The following ITGB3BP variants were observed in gnomAD, a reference collection of about 807,000 sequenced individuals.
ITGB3BP encodes the protein integrin subunit beta 3 binding protein.
ITGB3BP carries 27 observed loss-of-function variants against 29.1 expected under a neutral mutation model. The ratio of observed to expected loss-of-function variants is 0.93; its 90% CI spans 0.68 to 1.28. The LOEUF is 1.28. Among genes scored for constraint, ITGB3BP ranks in the 50% most tolerant of loss-of-function variants. ITGB3BP has a pLI of 0.00. For synonymous variants in ITGB3BP, 61 were observed against 61.4 expected (o/e 0.99, Z 0.03); for missense variants, 192 against 200.2 (o/e 0.96, Z 0.25).
intron 1 of ITGB3BP, among the ~76,000 whole-genome samples, chr1:63,519,580 C>T (rs868708449): frequency 2.6e-5 from 4 of 151,996 alleles, no homozygotes; most frequent in Non-Finnish European, 4.4e-5. Context: ...AAAAATTTCA[C>T]CAATCTTCTT....
At chr1:63,495,768 G>A (rs1168501990) in intron 2 of ITGB3BP, among the ~76,000 whole-genome samples, 2 of 152,072 alleles carry the variant, frequency 1.3e-5, no homozygotes, top group African/African-American at 4.8e-5. Flanking sequence ...GAACCAGGAT[G>A]CTTTATCTTA....
intron 4 of ITGB3BP, 105 bp downstream of exon 4, chr1:63,478,659 A>AATAT: frequency 1.7e-6 from 1 of 595,720 alleles, no homozygotes; most frequent in Middle Eastern, 3.6e-4. Flanking sequence ...GGTCAGGTAT[A>AATAT]AACTATTAAT....
At chr1:63,456,562 C>A (rs1377114082) in intron 4 of ITGB3BP, among the ~76,000 whole-genome samples, 1 of 152,112 alleles carries the variant, frequency 6.6e-6, no homozygotes, top group African/African-American at 2.4e-5. Flanking sequence ...ACTGAGTGCC[C>A]TAGGAGTACA....
rs189782239 is a variant in ITGB3BP, at chr1:63,478,173, A to T, written c.254+591T>A. Among the ~76,000 whole-genome samples the T allele has an allele frequency of 5.9e-5, 9 of 152,272 alleles. No homozygotes were observed. The East Asian group carries it at 1.5e-3, about 26-fold the overall frequency. On this transcript the variant is annotated intron_variant, in intron 4 of 8. Coordinates refer to ENST00000271002, the MANE Select transcript of ITGB3BP (RefSeq NM_014288.5). ...ATGTTCAGGACAGAGGCAACCATTC[A>T]TTTTTTTCTCGAAATATTTTCAATT...
chr1:63,513,525 T>C (rs1463813166), intron 1 of ITGB3BP, among the ~76,000 whole-genome samples: 1 of 152,140 alleles, frequency 6.6e-6, no homozygotes, highest in Non-Finnish European at 1.5e-5. Context: ...TAGTGGACAA[T>C]GGTATTTAGA....
At chr1:63,487,461 A>G (rs11208224) in intron 3 of ITGB3BP, among the ~76,000 whole-genome samples, 22,655 of 152,054 alleles carry the variant, frequency 0.15, 2,202 homozygotes, top group South Asian at 0.22. Flanking sequence ...CTATGGACAT[A>G]CATTCTGAGA....
intron 4 of ITGB3BP, among the ~76,000 whole-genome samples, chr1:63,459,974 CAA>C (rs1191541762): frequency 6.6e-6 from 1 of 150,764 alleles, no homozygotes; most frequent in Non-Finnish European, 1.5e-5. Flanking sequence ...AGACTGATCA[CAA>C]AAAAATCTGG....
intron 4 of ITGB3BP, among the ~76,000 whole-genome samples, chr1:63,478,317 AGC>A (rs1557629220): frequency 6.6e-6 from 1 of 152,222 alleles, no homozygotes. Context: ...AGGAACCACC[AGC>A]AGGACAATTT....
intron 1 of ITGB3BP, among the ~76,000 whole-genome samples, chr1:63,514,540 T>C (rs1646268466): frequency 6.6e-6 from 1 of 152,246 alleles, no homozygotes; most frequent in African/African-American, 2.4e-5. Flanking sequence ...ATTATTTTAA[T>C]AACATTTTTG....
chr1:63,468,336 C>G (rs968482745), intron 4 of ITGB3BP, among the ~76,000 whole-genome samples: 1 of 152,088 alleles, frequency 6.6e-6, no homozygotes, highest in African/African-American at 2.4e-5. Context: ...AATGGGGTAA[C>G]GAGTGATTTA....
chr1:63,486,967 G>C (rs1645542894), intron 3 of ITGB3BP, among the ~76,000 whole-genome samples: 1 of 152,054 alleles, frequency 6.6e-6, no homozygotes, highest in Non-Finnish European at 1.5e-5. Context: ...GTATGTACTA[G>C]AGTTAATTTT....
At chr1:63,490,446 T>G (rs2100677281) in intron 2 of ITGB3BP, among the ~76,000 whole-genome samples, 1 of 152,304 alleles carries the variant, frequency 6.6e-6, no homozygotes, top group Non-Finnish European at 1.5e-5. Flanking sequence ...TTACTAAATT[T>G]TAGCATTAAA....
At chr1:63,441,370 T>A (rs1644728510) in intron 8 of ITGB3BP, among the ~76,000 whole-genome samples, 1 of 152,154 alleles carries the variant, frequency 6.6e-6, no homozygotes. Context: ...CCTGAGTAGC[T>A]GGGACTACAG....
At chr1:63,467,110 T>A (rs919053153) in intron 4 of ITGB3BP, among the ~76,000 whole-genome samples, 3 of 152,148 alleles carry the variant, frequency 2.0e-5, no homozygotes, top group African/African-American at 7.2e-5. Flanking sequence ...CTCTAACTCC[T>A]TGCCTCAAGT....
At chr1:63,456,823 C>T (rs777094668) in intron 4 of ITGB3BP, among the ~76,000 whole-genome samples, 5 of 152,086 alleles carry the variant, frequency 3.3e-5, no homozygotes, top group Non-Finnish European at 7.4e-5. Context: ...GTAAATGGTG[C>T]CCCCCAAAGT....
At chr1:63,522,875 T>C (rs976206074) in intron 1 of ITGB3BP, 2 of 664,058 alleles carry the variant, frequency 3.0e-6, no homozygotes, top group African/African-American at 3.6e-5. Flanking sequence ...AGACATCACC[T>C]AAATACAGCC....
rs994279987 is a variant in ITGB3BP at position 63,510,076 on chromosome 1, A to T, written c.6-1506T>A. 18 of 610,130 alleles carry T rather than the reference A, an allele frequency of 3.0e-5. No individual in the cohort carries two copies. In the African/African-American group the frequency reaches 3.2e-4, roughly 11 times the overall value. The allele number at this position is 610,130 out of a possible 1,614,324, so 37.8% of individuals were successfully genotyped here. ...GTGGTGGTGCGTGCCTGTAATCCCA[A>T]CTACTCCCAAGGCTGAGGCAGGAGA... On this transcript the variant is annotated intron_variant, in intron 1 of 8. Transcript: ENST00000271002.
intron 8 of ITGB3BP, 57 bp downstream of exon 8, chr1:63,446,749 A>C: frequency 4.9e-6 from 6 of 1,223,824 alleles, no homozygotes; most frequent in Non-Finnish European, 7.2e-6. Context: ...TTTCCACCTG[A>C]ACAAAACACA....
chr1:63,448,732 G>A (rs1003071634), intron 7 of ITGB3BP, among the ~76,000 whole-genome samples: 1 of 152,010 alleles, frequency 6.6e-6, no homozygotes, highest in African/African-American at 2.4e-5. Context: ...TCCACCTCAA[G>A]AATAGTCTTC....
Sources: allele counts gnomAD v4.1 joint callset (sites outside exome capture counted in the v4.1 genomes callset), GRCh38; gene constraint gnomAD v4.1.1; transcripts MANE v1.5; gene names NCBI Gene and HGNC (gene_info 2026-07-23, HGNC 2026-07-21).